Variants in KRT86 observed in about 807,000 individuals in gnomAD.
KRT86 encodes keratin, type II cuticular Hb6.
A neutral mutation model predicts 41.2 loss-of-function variants in KRT86; 30 were observed. That is an observed-to-expected ratio of 0.73 (90% CI 0.54 to 0.99). KRT86 has a LOEUF of 0.99. KRT86 is among the 50% of genes least tolerant of loss of function. KRT86 has a pLI of 0.00. For missense variants in KRT86, 561 were observed against 571.4 expected (o/e 0.98, Z 0.19); for synonymous variants, 238 against 238.1 (o/e 1.00, Z 0.00).
chr12:52,287,048 G>A (rs1937966517), intron 2 of KRT86: 5 of 1,612,234 alleles, frequency 3.1e-6, no homozygotes, highest in Admixed American at 3.3e-5. Flanking sequence ...CCAAGGGTAG[G>A]CTTGTGCCAG....
Position 52,305,393 on chromosome 12 carries a change from T to C in KRT86, c.889T>C (p.Tyr297His). ...TAGCCGGGCTGAGGCCGAGTCCTGG[T>C]ACCGCAGCAAGGTGAGTGGCACAGG... ...TRSRAEAESWYRSKCEEMKAT... is the reference protein window; with the variant it reads ...TRSRAEAESWHRSKCEEMKAT... Residue 297 changes from tyrosine to histidine, a missense_variant, in exon 7 of 11, where the codon TAC (tyrosine) becomes CAC (histidine). By Grantham distance (83) the Tyr-to-His change is moderately conservative. Coordinates refer to ENST00000423955, the MANE Select transcript of KRT86 (RefSeq NM_001320198.2). 1 of 1,614,142 alleles carries C rather than the reference T, an allele frequency of 6.2e-7. No individual in the cohort carries two copies. The highest frequency in any genetic ancestry group is 1.1e-5 in the South Asian group (1 of 91,082).
intron 2 of KRT86, 102 bp from the exon 3 acceptor site, chr12:52,301,811 A>C: frequency 6.2e-7 from 1 of 1,611,466 alleles, no homozygotes. Context: ...CACTTATATA[A>C]AAGGCCTACA....
At chr12:52,298,270 G>C (rs1938293676) in intron 2 of KRT86, among the ~76,000 whole-genome samples, 2 of 152,314 alleles carry the variant, frequency 1.3e-5, no homozygotes, top group South Asian at 4.1e-4. Context: ...AGTAACCATG[G>C]CCAAACTTCT....
Position 52,308,230 on chromosome 12 carries a change from C to A in KRT86, c.1248-3C>A. 6.2e-7 allele frequency: 1 copy of A among 1,614,208 alleles called. No individual in the cohort carries two copies. Among genetic ancestry groups the A allele is most frequent in the Non-Finnish European group, 8.5e-7 (1 of 1,180,056 alleles). ...ACTGACCTCTCGCCTTCTCTCCCTG[C>A]AGGCTGTGCGAGGGCGTCGGCTCGG... is the stretch of plus-strand genomic sequence containing the variant. On this transcript the variant is annotated splice_polypyrimidine_tract_variant and splice_region_variant and intron_variant, in intron 9 of 10. Coordinates refer to ENST00000423955, the MANE Select transcript of KRT86 (RefSeq NM_001320198.2).
intron 2 of KRT86, chr12:52,291,402 G>C: frequency 2.5e-6 from 4 of 1,610,066 alleles, no homozygotes; most frequent in Non-Finnish European, 3.4e-6. Flanking sequence ...CAGCGGCCGG[G>C]CCGCGGCCCG....
At position 52,294,384 on chromosome 12, in the gene KRT86, AT is replaced by A. The variant is rs2099664528; in HGVS notation, c.-4-7527del. On this transcript the variant is annotated intron_variant, in intron 2 of 10. Coordinates refer to ENST00000423955, the MANE Select transcript of KRT86 (RefSeq NM_001320198.2). ...AAAAATTCAAATGTGACACCATTTCATTAAACTTCAGGAATTAATTGCTGCT... is the reference window on the plus strand; with the variant it reads ...AAAAATTCAAATGTGACACCATTTCATAAACTTCAGGAATTAATTGCTGCT... 2.0e-5 allele frequency among the ~76,000 whole-genome samples: 3 copies of A among 152,342 alleles called. No individual in the cohort carries two copies. The South Asian group carries it at 6.2e-4, about 32-fold the overall frequency.
intron 6 of KRT86, 53 bp downstream of exon 6, chr12:52,305,080 G>T: frequency 6.2e-7 from 1 of 1,610,854 alleles, no homozygotes; most frequent in Non-Finnish European, 8.5e-7. Flanking sequence ...GAGGAGAGAT[G>T]GGGGTGGGAG....
rs368604832 is a variant in KRT86, at chr12:52,305,246, C to T, written c.742C>T (p.Arg248Cys). 2.6e-5 allele frequency: 42 copies of T among 1,614,072 alleles called. No individual in the cohort carries two copies. Among genetic ancestry groups the T allele is most frequent in the African/African-American group, 1.5e-4 (11 of 74,924 alleles). Residue 248 changes from arginine (R) to cysteine (C), a missense_variant, in exon 7 of 11, where the codon CGC becomes TGC. Arg to Cys is a radical substitution (Grantham distance 180). Coordinates refer to ENST00000423955, the MANE Select transcript of KRT86 (RefSeq NM_001320198.2). ...FLRRLYEEEI[R>C]VLQSHISDTS... ...CTGCCCTCACCTCCTGCAGGAGATC[C>T]GCGTTCTCCAGTCCCACATCTCAGA... is the stretch of plus-strand genomic sequence containing the variant.
chr12:52,305,412 G>A lies in KRT86; in HGVS notation c.900+8G>A. On this transcript the variant is annotated splice_region_variant and intron_variant, in intron 7 of 10. Transcript: ENST00000423955. ...TCCTGGTACCGCAGCAAGGTGAGTG[G>A]CACAGGACACCTGCCTGCTAGACAT... is the stretch of plus-strand genomic sequence containing the variant. The A allele has an allele frequency of 6.2e-7, 1 of 1,614,234 alleles. No individual in the cohort carries two copies. The highest frequency in any genetic ancestry group is 1.3e-5 in the African/African-American group (1 of 75,066).
chr12:52,300,201 T>C (rs1421114374), intron 2 of KRT86, among the ~76,000 whole-genome samples: 1 of 152,224 alleles, frequency 6.6e-6, no homozygotes. Flanking sequence ...AGTATGCACA[T>C]ACATATACAT....
rs200085173 is a variant in KRT86, at chr12:52,304,997, G to C, written c.705G>C (p.Glu235Asp). Residue 235 changes from glutamate to aspartate, a missense_variant, in exon 6 of 11, where the codon GAG becomes GAC. Coordinates refer to ENST00000423955, the MANE Select transcript of KRT86 (RefSeq NM_001320198.2). ...CCAATGTGGAGGCCCTGATCCAGGA[G>C]ATCGACTTCCTGAGGCGGCTGTATG... Reference protein sequence around the residue: ...LEANVEALIQEIDFLRRLYEE... With the variant: ...LEANVEALIQDIDFLRRLYEE... 6.2e-7 allele frequency: 1 copy of C among 1,614,156 alleles called. No homozygotes were observed. The highest frequency in any genetic ancestry group is 1.7e-5 in the Admixed American group (1 of 60,028).
At chr12:52,289,309 A>G in intron 2 of KRT86, 1 of 216,994 alleles carries the variant, frequency 4.6e-6, no homozygotes, top group Non-Finnish European at 8.3e-6. Context: ...AGGGGAGGTC[A>G]GGGCAGGGCA....
Position 52,286,461 on chromosome 12 carries a change from C to T in KRT86, c.-5+10515C>T, listed in dbSNP as rs374136296. 2.0e-4 allele frequency: 308 copies of T among 1,552,592 alleles called. 1 individual carries two copies. The highest frequency in any genetic ancestry group is 5.6e-4 in the South Asian group (47 of 84,152). On this transcript the variant is annotated intron_variant, in intron 2 of 10. Coordinates refer to ENST00000423955, the MANE Select transcript of KRT86 (RefSeq NM_001320198.2). ...CGGGAGCCTGACACGCAGAGGTCCC[C>T]GCACACGACCCCGCCCCGGGAGCTG...
chr12:52,278,334 G>A (rs1461463383), intron 2 of KRT86, among the ~76,000 whole-genome samples: 1 of 152,024 alleles, frequency 6.6e-6, no homozygotes, highest in African/African-American at 2.4e-5. Context: ...ACACACACTA[G>A]TCTTCAGATT....
At chr12:52,286,337 C>G in intron 2 of KRT86, 1 of 1,555,004 alleles carries the variant, frequency 6.4e-7, no homozygotes, top group Non-Finnish European at 8.7e-7. Context: ...GGAACCCCCT[C>G]CGCAGGTGGT....
intron 2 of KRT86, among the ~76,000 whole-genome samples, chr12:52,282,964 C>T (rs1203329703): frequency 6.6e-6 from 1 of 152,260 alleles, no homozygotes; most frequent in Non-Finnish European, 1.5e-5. Flanking sequence ...AATCATATTG[C>T]TCCACTCGCA....
intron 2 of KRT86, among the ~76,000 whole-genome samples, chr12:52,295,364 C>A (rs1469799986): frequency 6.6e-6 from 1 of 152,164 alleles, no homozygotes; most frequent in Non-Finnish European, 1.5e-5. Flanking sequence ...GCTCAGGTTG[C>A]ATGTTAGTAG....
chr12:52,294,624 CA>C (rs1350449027), intron 2 of KRT86, among the ~76,000 whole-genome samples: 1 of 152,012 alleles, frequency 6.6e-6, no homozygotes, highest in Non-Finnish European at 1.5e-5. Flanking sequence ...TATTTCAACA[CA>C]AAAAATGCAT....
At position 52,306,189 on chromosome 12, in the gene KRT86, A is replaced by G. The variant is rs563550345; in HGVS notation, c.1156A>G (p.Ile386Val). The G allele has an allele frequency of 5.6e-6, 9 of 1,613,784 alleles. No individual in the cohort carries two copies. The highest frequency in any genetic ancestry group is 7.6e-6 in the Non-Finnish European group (9 of 1,180,008). Residue 386 changes from isoleucine (I) to valine (V), a missense_variant, in exon 9 of 11, where the codon ATC (isoleucine) becomes GTC (valine). Physicochemically the swap from Ile to Val is conservative, Grantham distance 29. Transcript: ENST00000423955. ...QKAKQDMACL[I>V]REYQEVMNSK... ...GGCCAAGCAGGACATGGCCTGCCTG[A>G]TCAGGGAGTACCAGGAGGTGATGAA...
Sources: gnomAD v4.1 joint callset for allele counts (sites outside exome capture counted in the v4.1 genomes callset) on GRCh38, gnomAD v4.1.1 for gene constraint, MANE v1.5 for transcripts, NCBI Gene and HGNC (gene_info 2026-07-23, HGNC 2026-07-21) for gene names.